PLBD1: variants seen among roughly 807,000 people sequenced by gnomAD.
PLBD1 encodes lysosomal leucine aminopeptidase.
A neutral mutation model predicts 63.0 loss-of-function variants in PLBD1; 60 were observed. The observed-to-expected ratio is 0.95, with a 90% CI of 0.77 to 1.18. The LOEUF (loss-of-function observed/expected upper bound fraction) is 1.18, where lower values mean the gene tolerates loss of function less well. PLBD1 is among the 50% of genes most tolerant of loss of function. PLBD1 has a pLI of 0.00. For missense variants in PLBD1, 598 were observed against 677.9 expected (o/e 0.88, Z 1.31); for synonymous variants, 262 against 248.0 (o/e 1.06, Z -0.53).
chr12:14,544,940 T>C (rs1217416656), intron 2 of PLBD1, among the ~76,000 whole-genome samples: 1 of 152,100 alleles, frequency 6.6e-6, no homozygotes, highest in Non-Finnish European at 1.5e-5. Flanking sequence ...GTTGATTTTG[T>C]TGACTGTCTT....
intron 1 of PLBD1, among the ~76,000 whole-genome samples, chr12:14,567,275 G>A (rs1229657209): frequency 6.6e-6 from 1 of 152,258 alleles, no homozygotes; most frequent in Non-Finnish European, 1.5e-5. Flanking sequence ...CCCATTGGCT[G>A]GAGTTTTTAA....
At chr12:14,518,804 T>TA in intron 6 of PLBD1, among the ~76,000 whole-genome samples, 1 of 152,140 alleles carries the variant, frequency 6.6e-6, no homozygotes, top group East Asian at 1.9e-4. Context: ...TTGAAGAAAT[T>TA]ATGCACAGGG....
Position 14,506,943 on chromosome 12 carries a change from C to T in PLBD1, c.1362G>A (p.Met454Ile). The change falls in exon 9 of 11, where the codon ATG (methionine) becomes ATA (isoleucine). Residue 454 changes from methionine to isoleucine, a missense_variant. By Grantham distance (10) the Met-to-Ile change is conservative. Coordinates refer to ENST00000240617, the MANE Select transcript of PLBD1 (RefSeq NM_024829.6). The part of the protein sequence containing the change: ...VTDTASMKYI[M>I]RYNNYKKDPY... ...AAATATGCTACGTACTGTTGTATCG[C>T]ATGATATATTTCATGGATGCCGTAT... is the stretch of plus-strand genomic sequence containing the variant. The T allele has an allele frequency of 6.2e-7, 1 of 1,613,964 alleles. No homozygotes were observed. Among genetic ancestry groups the T allele is most frequent in the Non-Finnish European group, 8.5e-7 (1 of 1,179,892 alleles).
chr12:14,549,957 C>T (rs1012450919), intron 2 of PLBD1, among the ~76,000 whole-genome samples: 6 of 152,136 alleles, frequency 3.9e-5, no homozygotes, highest in Non-Finnish European at 7.4e-5. Context: ...CGTGAGACAC[C>T]GTGCCCAGCC....
At position 14,503,912 on chromosome 12, in the gene PLBD1, T is replaced by G. The variant is rs371881370; in HGVS notation, c.1522A>C (p.Ile508Leu). 3.0e-5 allele frequency: 48 copies of G among 1,613,992 alleles called. No homozygotes were observed. The highest frequency in any genetic ancestry group is 4.0e-5 in the African/African-American group (3 of 74,920). ...CCACCTTGTACTGTGGGACCACTTA[T>G]GGCATAGGATGTGTACTGAGATGCT... ...YLASQYTSYAISGPTVQGGLP... is the reference protein window; with the variant it reads ...YLASQYTSYALSGPTVQGGLP... Residue 508 changes from isoleucine to leucine, a missense_variant, in exon 11 of 11, where the codon ATA becomes CTA. Ile to Leu is a conservative substitution (Grantham distance 5). Coordinates refer to ENST00000240617, the MANE Select transcript of PLBD1 (RefSeq NM_024829.6).
chr12:14,521,600 C>T (rs151052020), intron 6 of PLBD1, among the ~76,000 whole-genome samples: 1,655 of 152,278 alleles, frequency 0.011, 21 homozygotes, highest in African/African-American at 0.038. Flanking sequence ...CCTGGAACCA[C>T]AGCCAATGCA....
intron 4 of PLBD1, among the ~76,000 whole-genome samples, chr12:14,539,869 AAT>A (rs1223254325): frequency 6.7e-6 from 1 of 150,322 alleles, no homozygotes; most frequent in East Asian, 2.0e-4. Flanking sequence ...GACATTTATC[AAT>A]ATATATGTGT....
At chr12:14,515,315 G>A (rs1488904225) in intron 6 of PLBD1, among the ~76,000 whole-genome samples, 1 of 152,110 alleles carries the variant, frequency 6.6e-6, no homozygotes, top group Non-Finnish European at 1.5e-5. Context: ...TGATTTAGGT[G>A]GGGAAGATGA....
Position 14,511,287 on chromosome 12 carries a change from A to G in PLBD1, c.1159T>C (p.Ser387Pro). 6.2e-7 allele frequency: 1 copy of G among 1,603,456 alleles called. No homozygotes were observed. The highest frequency in any genetic ancestry group is 1.3e-5 in the African/African-American group (1 of 74,566). Residue 387 changes from serine to proline, a missense_variant, in exon 8 of 11, where the codon TCT becomes CCT. By Grantham distance (74) the Ser-to-Pro change is moderately conservative. Coordinates refer to ENST00000240617, the MANE Select transcript of PLBD1 (RefSeq NM_024829.6). ...TTCCGTAGAACATCAGTTTGTTCAG[A>G]ATATTCTACATATGTAGGAATTTGC... The part of the protein sequence containing the change: ...VEQIPTYVEY[S>P]EQTDVLRKGY...
In PLBD1 at chr12:14,523,642, T is replaced by C. The variant is rs982794211; in HGVS notation, c.845-11931A>G. 1.3e-4 allele frequency among the ~76,000 whole-genome samples: 20 copies of C among 152,124 alleles called. 1 individual carries two copies. The highest frequency in any genetic ancestry group is 7.4e-5 in the Non-Finnish European group (5 of 67,998). On this transcript the variant is annotated intron_variant, in intron 6 of 10. Transcript: ENST00000240617. ...GCATAAAAATAGACATATATACTAA[T>C]AAGACAGAATAAAAAATACAGAAAT... is the stretch of plus-strand genomic sequence containing the variant.
At chr12:14,554,236 G>A (rs1239129079) in intron 1 of PLBD1, 1 of 152,282 alleles carries the variant, frequency 6.6e-6, no homozygotes, top group Non-Finnish European at 1.5e-5. Flanking sequence ...TCTCCATTCT[G>A]GTTCACCTCC....
intron 1 of PLBD1, among the ~76,000 whole-genome samples, chr12:14,557,462 A>C (rs1433929228): frequency 6.6e-6 from 1 of 152,164 alleles, no homozygotes; most frequent in Non-Finnish European, 1.5e-5. Context: ...CATATACAGC[A>C]TGAAATACTA....
At chr12:14,534,679 G>T (rs181264544) in intron 6 of PLBD1, among the ~76,000 whole-genome samples, 1 of 151,974 alleles carries the variant, frequency 6.6e-6, no homozygotes, top group Admixed American at 6.6e-5. Context: ...GAGTAGCTGC[G>T]ACTACAGGCG....
Position 14,511,248 on chromosome 12 carries a change from T to G in PLBD1, c.1186+12A>C. 7.0e-7 allele frequency: 1 copy of G among 1,438,396 alleles called. No individual in the cohort carries two copies. Among genetic ancestry groups the G allele is most frequent in the African/African-American group, 1.4e-5 (1 of 69,014 alleles). The allele number at this position is 1,438,396 out of a possible 1,614,324, so 89.1% of individuals were successfully genotyped here. ...TCATCAGGTTTTAAGACTTACGACA[T>G]GAAGAAAGTACCTTTCCGTAGAACA... On this transcript the variant is annotated intron_variant, in intron 8 of 10. Coordinates refer to ENST00000240617, the MANE Select transcript of PLBD1 (RefSeq NM_024829.6).
intron 8 of PLBD1, among the ~76,000 whole-genome samples, chr12:14,508,562 A>C (rs1383162039): frequency 6.6e-6 from 1 of 152,142 alleles, no homozygotes. Context: ...TGAGCTCTGA[A>C]GTTCAAGACC....
intron 1 of PLBD1, among the ~76,000 whole-genome samples, chr12:14,563,461 G>A (rs769529702): frequency 2.0e-5 from 3 of 151,996 alleles, no homozygotes; most frequent in Admixed American, 6.6e-5. Context: ...GAGGTTGCAC[G>A]GAGCCAAGAT....
At position 14,503,697 on chromosome 12, in the gene PLBD1, C is replaced by A; in HGVS notation, c.*75G>T. 3 of 1,363,974 alleles carry A rather than the reference C, an allele frequency of 2.2e-6. No homozygotes were observed. Among genetic ancestry groups the A allele is most frequent in the African/African-American group, 1.5e-5 (1 of 68,370 alleles). The allele number at this position is 1,363,974 out of a possible 1,614,324, so 84.5% of individuals were successfully genotyped here. On this transcript the variant is annotated 3_prime_UTR_variant, in exon 11 of 11. Coordinates refer to ENST00000240617, the MANE Select transcript of PLBD1 (RefSeq NM_024829.6). Reference sequence around the variant, plus strand: ...AATTAATATATTTTATTGCATAATTCTGATGGGAAAAACATAGCTAAAATA... The same window carrying A: ...AATTAATATATTTTATTGCATAATTATGATGGGAAAAACATAGCTAAAATA...
At chr12:14,509,363 T>C (rs1464459911) in intron 8 of PLBD1, among the ~76,000 whole-genome samples, 3 of 152,178 alleles carry the variant, frequency 2.0e-5, no homozygotes, top group South Asian at 2.1e-4. Flanking sequence ...AAGACTACTT[T>C]AGCAAGCATC....
intron 1 of PLBD1, among the ~76,000 whole-genome samples, chr12:14,555,617 A>G (rs978762416): frequency 3.3e-5 from 5 of 152,168 alleles, no homozygotes; most frequent in Non-Finnish European, 5.9e-5. Flanking sequence ...CTACCTATCC[A>G]GCTTCCTCAT....
Sources: gnomAD v4.1 joint callset for allele counts (sites outside exome capture counted in the v4.1 genomes callset) on GRCh38, gnomAD v4.1.1 for gene constraint, MANE v1.5 for transcripts, NCBI Gene and HGNC (gene_info 2026-07-23, HGNC 2026-07-21) for gene names.